The following KIAA1549L variants were observed in gnomAD, a reference collection of about 807,000 sequenced individuals.
KIAA1549L encodes the protein UPF0606 protein KIAA1549L.
In KIAA1549L, 88 loss-of-function variants were observed where a neutral mutation model predicts 160.7. That is an observed-to-expected ratio of 0.55 (90% confidence interval 0.46 to 0.65). KIAA1549L has a LOEUF of 0.65. Ranked by LOEUF, KIAA1549L falls within the 30% of genes least tolerant of loss-of-function variation. The pLI, the probability that KIAA1549L is intolerant of heterozygous loss-of-function variation, is 0.00. For synonymous variants in KIAA1549L, 950 were observed against 976.7 expected, an observed-to-expected ratio of 0.97 and a Z score of 0.51; for missense variants, 2,258 against 2,437.5, an observed-to-expected ratio of 0.93 and a Z score of 1.55.
At position 33,483,664 on chromosome 11, in the gene KIAA1549L, T is replaced by C. The variant is rs2133052696; in HGVS notation, c.239-58138T>C. ...ATGGGAGGGACCCATGGGAGATAAC[T>C]GAATCATGGGGGATGGTTTCACCCA... On this transcript the variant is annotated intron_variant, in intron 1 of 20. Coordinates refer to ENST00000658780, the MANE Select transcript of KIAA1549L (RefSeq NM_012194.3). Among the ~76,000 whole-genome samples, 3 of 152,256 alleles carry C rather than the reference T, an allele frequency of 2.0e-5. No individual in the cohort carries two copies. In the South Asian group the frequency reaches 6.2e-4, roughly 32 times the overall value.
intron 1 of KIAA1549L, among the ~76,000 whole-genome samples, chr11:33,382,156 A>G (rs1049248878): frequency 6.6e-6 from 1 of 152,164 alleles, no homozygotes; most frequent in African/African-American, 2.4e-5. Context: ...GATCTGAGCA[A>G]GGAGCCTGGG....
chr11:33,489,140 CAA>C (rs1178513199), intron 1 of KIAA1549L, among the ~76,000 whole-genome samples: 4 of 152,122 alleles, frequency 2.6e-5, no homozygotes, highest in African/African-American at 9.7e-5. Flanking sequence ...GATGTCATAA[CAA>C]AATAGCAAAG....
chr11:33,383,243 T>C (rs1184269469), intron 1 of KIAA1549L, among the ~76,000 whole-genome samples: 1 of 151,696 alleles, frequency 6.6e-6, no homozygotes, highest in African/African-American at 2.4e-5. Context: ...TTCATTAACC[T>C]TCAAGCCCAT....
At chr11:33,663,761 C>T (rs1339171985) in intron 20 of KIAA1549L, among the ~76,000 whole-genome samples, 2 of 152,224 alleles carry the variant, frequency 1.3e-5, no homozygotes, top group East Asian at 1.9e-4. Flanking sequence ...TTGCTCTGCA[C>T]AATTCTGAGC....
intron 1 of KIAA1549L, among the ~76,000 whole-genome samples, chr11:33,430,261 C>T (rs1301393782): frequency 6.9e-6 from 1 of 145,668 alleles, no homozygotes; most frequent in African/African-American, 2.5e-5. Flanking sequence ...TCTCTCCCTC[C>T]CTCCCTCTCT....
chr11:33,645,415 C>T (rs188255759), intron 16 of KIAA1549L, among the ~76,000 whole-genome samples: 9 of 152,130 alleles, frequency 5.9e-5, no homozygotes, highest in Middle Eastern at 3.4e-3. Flanking sequence ...AGCCATTTCT[C>T]GAGTCTGTTA....
intron 1 of KIAA1549L, among the ~76,000 whole-genome samples, chr11:33,400,177 C>G (rs1455340119): frequency 6.6e-6 from 1 of 152,094 alleles, no homozygotes; most frequent in Admixed American, 6.6e-5. Flanking sequence ...AGAAATCAAC[C>G]CATCACATAT....
At chr11:33,593,281 TA>T (rs1249826606) in intron 12 of KIAA1549L, among the ~76,000 whole-genome samples, 1 of 151,960 alleles carries the variant, frequency 6.6e-6, no homozygotes, top group African/African-American at 2.4e-5. Flanking sequence ...TAAAATTATA[TA>T]AAAAATATTA....
At chr11:33,427,118 C>G (rs979298705) in intron 1 of KIAA1549L, among the ~76,000 whole-genome samples, 2 of 152,274 alleles carry the variant, frequency 1.3e-5, no homozygotes, top group Middle Eastern at 3.4e-3. Context: ...TACCATGAAC[C>G]TCAAGTGGGC....
At chr11:33,590,827 A>G (rs568414728) in intron 11 of KIAA1549L, among the ~76,000 whole-genome samples, 1 of 152,354 alleles carries the variant, frequency 6.6e-6, no homozygotes, top group East Asian at 1.9e-4. Context: ...ACATAAAGCT[A>G]TACGAGAATG....
At chr11:33,628,977 C>T (rs1375247562) in intron 16 of KIAA1549L, among the ~76,000 whole-genome samples, 3 of 151,224 alleles carry the variant, frequency 2.0e-5, no homozygotes, top group Admixed American at 6.6e-5. Flanking sequence ...TTAGGGCAGG[C>T]CTGGTGGTGA....
chr11:33,554,867 G>T (rs1040188803), intron 6 of KIAA1549L, among the ~76,000 whole-genome samples: 3 of 152,152 alleles, frequency 2.0e-5, no homozygotes, highest in Non-Finnish European at 4.4e-5. Flanking sequence ...TGTTCCATCA[G>T]CCTATAGGTC....
intron 1 of KIAA1549L, among the ~76,000 whole-genome samples, chr11:33,471,247 C>T (rs1441503517): frequency 6.7e-6 from 1 of 148,836 alleles, no homozygotes; most frequent in Non-Finnish European, 1.5e-5. Flanking sequence ...CATTCTCAGA[C>T]TTTTGATCCC....
At chr11:33,636,776 A>G (rs1158167425) in intron 16 of KIAA1549L, among the ~76,000 whole-genome samples, 41 of 152,216 alleles carry the variant, frequency 2.7e-4, no homozygotes, top group Non-Finnish European at 4.4e-5. Flanking sequence ...AACATCATGT[A>G]TCTAGGATTC....
At chr11:33,614,531 GATAT>G (rs780446812) in intron 15 of KIAA1549L, among the ~76,000 whole-genome samples, 1,114 of 27,074 alleles carry the variant, frequency 0.041, 292 homozygotes, top group Middle Eastern at 0.1. Context: ...AGTGTAACAA[GATAT>G]ATATATATAT....
intron 13 of KIAA1549L, 86 bp downstream of exon 13, chr11:33,599,033 A>T: frequency 6.2e-6 from 9 of 1,460,040 alleles, no homozygotes; most frequent in Non-Finnish European, 7.5e-6. Flanking sequence ...GCACAAACTC[A>T]CACACAGCCA....
intron 1 of KIAA1549L, among the ~76,000 whole-genome samples, chr11:33,396,584 AGAGT>A (rs1456407960): frequency 1.3e-5 from 2 of 152,150 alleles, no homozygotes; most frequent in East Asian, 3.9e-4. Flanking sequence ...TAAAGTAGGT[AGAGT>A]GAAGGGACTC....
At chr11:33,437,609 C>T (rs1157061705) in intron 1 of KIAA1549L, among the ~76,000 whole-genome samples, 1 of 152,192 alleles carries the variant, frequency 6.6e-6, no homozygotes, top group Admixed American at 6.5e-5. Flanking sequence ...AATGTTTGTC[C>T]AGTGCATGGA....
intron 11 of KIAA1549L, among the ~76,000 whole-genome samples, chr11:33,584,967 C>T (rs945182644): frequency 1.3e-5 from 2 of 152,188 alleles, no homozygotes; most frequent in African/African-American, 2.4e-5. Context: ...GCGGGGGTCA[C>T]GCATGCCTTA....
Sources: gnomAD v4.1 joint callset for allele counts (sites outside exome capture counted in the v4.1 genomes callset) on GRCh38, gnomAD v4.1.1 for gene constraint, MANE v1.5 for transcripts, NCBI Gene and HGNC (gene_info 2026-07-23, HGNC 2026-07-21) for gene names.